The following RNF111 variants were observed in gnomAD, a reference collection of about 807,000 sequenced individuals.
RNF111 encodes the protein ring finger protein 111, also known as E3 ubiquitin-protein ligase Arkadia.
RNF111 carries 17 observed loss-of-function variants against 95.1 expected under a neutral mutation model. That is an observed-to-expected ratio of 0.18 (90% CI 0.12 to 0.27). RNF111 has a LOEUF of 0.27. RNF111 is among the 10% of genes least tolerant of loss of function. RNF111 has a pLI of 1.00. For synonymous variants in RNF111, 440 were observed against 414.8 expected (o/e 1.06, Z -0.74); for missense variants, 1,189 against 1,210.4 (o/e 0.98, Z 0.26).
At chr15:59,054,301 G>T (rs2042115950) in intron 3 of RNF111, among the ~76,000 whole-genome samples, 1 of 152,082 alleles carries the variant, frequency 6.6e-6, no homozygotes, top group Non-Finnish European at 1.5e-5. Flanking sequence ...TTTGACAGTT[G>T]CTACTAATCA....
At chr15:59,009,689 T>C (rs2039701685) in intron 1 of RNF111, among the ~76,000 whole-genome samples, 1 of 152,046 alleles carries the variant, frequency 6.6e-6, no homozygotes, top group South Asian at 2.1e-4. Context: ...GCACAGTGGC[T>C]CATGCCTGTA....
chr15:59,011,817 C>T (rs568045002), intron 1 of RNF111, among the ~76,000 whole-genome samples: 14 of 152,066 alleles, frequency 9.2e-5, no homozygotes, highest in Non-Finnish European at 7.4e-5. Context: ...AGGACTTCAA[C>T]GTATGAATTT....
At chr15:59,094,730 C>T (rs1383836049) in intron 13 of RNF111, 53 bp from the exon 14 acceptor site, 28 of 964,122 alleles carry the variant, frequency 2.9e-5, no homozygotes, top group African/African-American at 1.4e-4. Flanking sequence ...TTGTTAACTA[C>T]GTACAATTAT....
Position 59,058,381 on chromosome 15 carries a change from T to C in RNF111, c.1197T>C (p.Ser399=). The part of the protein sequence containing the change: ...EDEPTVVPTT[S]ARMESQATSA... ...AACCTACTGTAGTACCAACCACTTC[T>C]GCAAGAATGGAATCACAAGCTACTA... Residue 399 remains serine (S), a synonymous_variant, in exon 5 of 14, where the codon TCT becomes TCC. Transcript: ENST00000348370. The C allele has an allele frequency of 2.5e-6, 4 of 1,614,134 alleles. No individual in the cohort carries two copies. The highest frequency in any genetic ancestry group is 3.4e-6 in the Non-Finnish European group (4 of 1,179,980).
intron 13 of RNF111, chr15:59,093,269 G>A: frequency 2.0e-5 from 7 of 343,344 alleles, no homozygotes; most frequent in South Asian, 1.6e-4. Context: ...GTCCTAGAAA[G>A]TTATAATGTG....
rs534226936 is a variant in RNF111, at chr15:59,009,398, C to A, written c.-20+21330C>A. On this transcript the variant is annotated intron_variant, in intron 1 of 13. Coordinates refer to ENST00000348370, the MANE Select transcript of RNF111 (RefSeq NM_017610.8). The stretch of plus-strand genomic sequence containing the variant: ...AGATGCTAGTAGAACCCACTTTATT[C>A]CATTGTGCTTTTTACAAGTGACCAA... 2.0e-4 allele frequency among the ~76,000 whole-genome samples: 31 copies of A among 151,960 alleles called. No individual in the cohort carries two copies. In the East Asian group the frequency reaches 3.7e-3, roughly 18 times the overall value.
At chr15:59,001,917 G>A (rs1296937989) in intron 1 of RNF111, among the ~76,000 whole-genome samples, 9 of 152,014 alleles carry the variant, frequency 5.9e-5, no homozygotes, top group African/African-American at 2.2e-4. Context: ...GACATTAATA[G>A]CAATAACTAA....
chr15:59,082,758 C>G (rs1458381566), intron 8 of RNF111, among the ~76,000 whole-genome samples: 1 of 152,140 alleles, frequency 6.6e-6, no homozygotes, highest in African/African-American at 2.4e-5. Flanking sequence ...TTGCCAAACT[C>G]TTGATCTAAT....
intron 1 of RNF111, among the ~76,000 whole-genome samples, chr15:58,989,311 T>A (rs2038704809): frequency 6.6e-6 from 1 of 152,250 alleles, no homozygotes; most frequent in Non-Finnish European, 1.5e-5. Flanking sequence ...ATTGATTGTT[T>A]CTAAAGCCTT....
chr15:59,078,661 C>G (rs1195525491), intron 7 of RNF111, among the ~76,000 whole-genome samples: 1 of 151,632 alleles, frequency 6.6e-6, no homozygotes, highest in East Asian at 1.9e-4. Context: ...GAGTTCAAGA[C>G]CAGCCTGGCC....
chr15:59,049,920 T>G (rs1403751283), intron 2 of RNF111, among the ~76,000 whole-genome samples: 1 of 150,918 alleles, frequency 6.6e-6, no homozygotes, highest in Non-Finnish European at 1.5e-5. Context: ...TTTTGTGTTT[T>G]TAGTAGAGAT....
At position 59,091,111 on chromosome 15, in the gene RNF111, A is replaced by T. The variant is rs2068419649; in HGVS notation, c.2696A>T (p.Gln899Leu). ...RLGNVNRGAS[Q>L]GTIERCTYPH... ...GGCAATGTCAATCGTGGAGCATCCC[A>T]GGGGACAATTGAAAGATGTACATAT... is the stretch of plus-strand genomic sequence containing the variant. Residue 899 changes from glutamine (Q) to leucine (L), a missense_variant, in exon 12 of 14, where the codon CAG becomes CTG. Physicochemically the swap from Gln to Leu is moderately radical, Grantham distance 113 (BLOSUM62 -2). Coordinates refer to ENST00000348370, the MANE Select transcript of RNF111 (RefSeq NM_017610.8). 1.9e-6 allele frequency: 3 copies of T among 1,610,692 alleles called. No homozygotes were observed. Among genetic ancestry groups the T allele is most frequent in the Non-Finnish European group, 2.5e-6 (3 of 1,177,540 alleles).
chr15:59,059,284 C>A (rs2042333342), intron 5 of RNF111, among the ~76,000 whole-genome samples: 1 of 152,134 alleles, frequency 6.6e-6, no homozygotes, highest in African/African-American at 2.4e-5. Context: ...TAGGGAAATG[C>A]AAATGAAAAC....
chr15:59,023,178 G>A (rs2040430485), intron 1 of RNF111, among the ~76,000 whole-genome samples: 1 of 152,172 alleles, frequency 6.6e-6, no homozygotes, highest in East Asian at 1.9e-4. Flanking sequence ...AATCCGGGAG[G>A]CGTAGGTTGC....
At position 59,042,377 on chromosome 15, in the gene RNF111, C is replaced by T. The variant is rs114651370; in HGVS notation, c.881-9928C>T. ...TCTGAGCTCAAGTGATCCACCCGCT[C>T]GGCCTCACAAGGTGCTGGGATTATA... On this transcript the variant is annotated intron_variant, in intron 2 of 13. Coordinates refer to ENST00000348370, the MANE Select transcript of RNF111 (RefSeq NM_017610.8). Among the ~76,000 whole-genome samples, 668 of 152,228 alleles carry T rather than the reference C, an allele frequency of 4.4e-3. 6 individuals carry two copies. The highest frequency in any genetic ancestry group is 0.041 in the Middle Eastern group (12 of 294).
intron 1 of RNF111, among the ~76,000 whole-genome samples, chr15:59,012,743 CT>C (rs71119428): frequency 6.5e-4 from 93 of 142,754 alleles, no homozygotes; most frequent in Non-Finnish European, 6.3e-4. Flanking sequence ...CTCTTTTTTT[CT>C]TTTTTTTTTT....
intron 1 of RNF111, among the ~76,000 whole-genome samples, chr15:59,000,916 T>C (rs555775682): frequency 2.5e-4 from 38 of 152,310 alleles, no homozygotes; most frequent in African/African-American, 8.4e-4. Context: ...AAATCTGCTC[T>C]GGTGGGGAAA....
At chr15:59,048,601 CATT>C (rs1387231636) in intron 2 of RNF111, among the ~76,000 whole-genome samples, 10 of 152,010 alleles carry the variant, frequency 6.6e-5, no homozygotes, top group Middle Eastern at 3.4e-3. Context: ...TTTTTACACT[CATT>C]ATGTGAAAAT....
At chr15:59,072,880 TA>T (rs35410395) in intron 6 of RNF111, among the ~76,000 whole-genome samples, 143 of 141,026 alleles carry the variant, frequency 1.0e-3, no homozygotes, top group African/African-American at 2.4e-3. Context: ...ATTTTTTTAT[TA>T]AAAAAAAAAA....
Sources: allele counts gnomAD v4.1 joint callset (sites outside exome capture counted in the v4.1 genomes callset), GRCh38; gene constraint gnomAD v4.1.1; transcripts MANE v1.5; gene names NCBI Gene and HGNC (gene_info 2026-07-23, HGNC 2026-07-21).